Variants in SFMBT1 observed in about 807,000 individuals in gnomAD.
SFMBT1 encodes the protein scm-like with four MBT domains protein 1.
In SFMBT1, 32 loss-of-function variants were observed where a neutral mutation model predicts 108.7. The observed-to-expected ratio is 0.29, with a 90% CI of 0.22 to 0.40. The LOEUF (loss-of-function observed/expected upper bound fraction) is 0.40, where lower values mean the gene tolerates loss of function less well. SFMBT1 is among the 10% of genes least tolerant of loss of function. The pLI, the probability that SFMBT1 is intolerant of heterozygous loss-of-function variation, is 1.00. For synonymous variants in SFMBT1, 348 were observed against 369.5 expected, an observed-to-expected ratio of 0.94 and a Z score of 0.67; for missense variants, 816 against 1,059.6, an observed-to-expected ratio of 0.77 and a Z score of 3.19.
intron 1 of SFMBT1, among the ~76,000 whole-genome samples, chr3:53,034,971 A>G (rs983998508): frequency 1.3e-5 from 2 of 152,196 alleles, no homozygotes; most frequent in Non-Finnish European, 2.9e-5. Flanking sequence ...TGGTAATCAA[A>G]TATACCAAAA....
chr3:52,925,938 G>T (rs1702644179), intron 10 of SFMBT1, 93 bp downstream of exon 10: 1 of 1,154,768 alleles, frequency 8.7e-7, no homozygotes, highest in South Asian at 1.5e-5. Flanking sequence ...TAAGTGAGAT[G>T]ATTATCTTCA....
intron 10 of SFMBT1, among the ~76,000 whole-genome samples, chr3:52,925,634 C>T (rs1348921855): frequency 6.6e-6 from 1 of 152,152 alleles, no homozygotes; most frequent in Non-Finnish European, 1.5e-5. Flanking sequence ...GCTATTTTAC[C>T]TTCTAAGCCT....
At chr3:53,043,844 C>T (rs1700129666) in intron 1 of SFMBT1, among the ~76,000 whole-genome samples, 1 of 152,196 alleles carries the variant, frequency 6.6e-6, no homozygotes, top group African/African-American at 2.4e-5. Flanking sequence ...TACATACAAG[C>T]TATCCTCAGT....
intron 4 of SFMBT1, among the ~76,000 whole-genome samples, chr3:52,941,600 A>AAAC (rs1486071977): frequency 2.9e-5 from 4 of 138,630 alleles, no homozygotes; most frequent in Non-Finnish European, 4.6e-5. Flanking sequence ...TTTCAAAAAA[A>AAAC]AAAAAAAAAA....
intron 1 of SFMBT1, among the ~76,000 whole-genome samples, chr3:53,007,883 G>A (rs1033289131): frequency 6.6e-6 from 1 of 152,076 alleles, no homozygotes; most frequent in African/African-American, 2.4e-5. Context: ...CCAAAGATAC[G>A]CAACCTGAGT....
chr3:52,939,344 C>G (rs1025373633), intron 4 of SFMBT1, among the ~76,000 whole-genome samples: 2 of 152,132 alleles, frequency 1.3e-5, no homozygotes, highest in Non-Finnish European at 2.9e-5. Flanking sequence ...GAAGCTCAGG[C>G]GGGCAGATCA....
chr3:52,916,009 T>C lies in SFMBT1; in HGVS notation c.1480+141A>G, dbSNP rs77875036. The stretch of plus-strand genomic sequence containing the variant: ...TTAAACTAAACACATCTTAGACAGT[T>C]ATAACTCTAAAGTCACAATTAAGAG... On this transcript the variant is annotated intron_variant, in intron 14 of 20. Transcript: ENST00000394752. 6.0e-3 allele frequency: 3,806 copies of C among 629,586 alleles called. 102 individuals carry two copies. Among genetic ancestry groups the C allele is most frequent in the African/African-American group, 0.059 (3,236 of 54,518 alleles). The allele number at this position is 629,586 out of a possible 1,614,324, so 39.0% of individuals were successfully genotyped here.
chr3:52,946,776 CTT>C (rs34235258), intron 3 of SFMBT1, among the ~76,000 whole-genome samples: 1 of 145,282 alleles, frequency 6.9e-6, no homozygotes, highest in African/African-American at 2.5e-5. Context: ...TGCTCCATTC[CTT>C]TTTTTTTTTT....
In SFMBT1 at chr3:52,904,894, A is replaced by C; in HGVS notation, c.*242T>G. On this transcript the variant is annotated 3_prime_UTR_variant, in exon 21 of 21. Coordinates refer to ENST00000394752, the MANE Select transcript of SFMBT1 (RefSeq NM_016329.4). ...TATAAGTCTTTTCCTCACAACCTTT[A>C]TTTTTTAAAAACTGCCATCTGCTGA... 1 of 421,266 alleles carries C rather than the reference A, an allele frequency of 2.4e-6. No individual in the cohort carries two copies. The highest frequency in any genetic ancestry group is 5.4e-5 in the South Asian group (1 of 18,476). 26.1% of individuals were successfully genotyped at this position (421,266 alleles called of 1,614,324 possible). A position where few individuals can be genotyped will look rare whatever the true frequency, so the allele number is the denominator to read the frequency against.
intron 3 of SFMBT1, among the ~76,000 whole-genome samples, chr3:52,947,509 C>T (rs1419755662): frequency 2.0e-5 from 3 of 152,030 alleles, no homozygotes; most frequent in Non-Finnish European, 4.4e-5. Flanking sequence ...AGTTGACAAC[C>T]TTTATATTTA....
At chr3:52,947,805 G>C (rs1703423202) in intron 3 of SFMBT1, among the ~76,000 whole-genome samples, 1 of 151,526 alleles carries the variant, frequency 6.6e-6, no homozygotes, top group African/African-American at 2.4e-5. Flanking sequence ...CGCGATCTCA[G>C]CTCACTGCAA....
At chr3:52,984,726 CTGTGTGTGTGTGTGTGTGTGTGTGTG>C (rs57308874) in intron 1 of SFMBT1, among the ~76,000 whole-genome samples, 2 of 140,196 alleles carry the variant, frequency 1.4e-5, no homozygotes, top group Non-Finnish European at 3.1e-5. Context: ...ATACTAAATA[CTGTGTGTGTGTGTGTGTGTGTGTGTG>C]TGTGTGTGTG....
At chr3:52,963,090 TACAA>T (rs1472267521) in intron 2 of SFMBT1, among the ~76,000 whole-genome samples, 1 of 151,610 alleles carries the variant, frequency 6.6e-6, no homozygotes, top group Non-Finnish European at 1.5e-5. Context: ...ACCTCCTGGG[TACAA>T]GAGGTTCTCT....
At chr3:53,005,076 G>C (rs1366281368) in intron 1 of SFMBT1, among the ~76,000 whole-genome samples, 1 of 152,072 alleles carries the variant, frequency 6.6e-6, no homozygotes, top group African/African-American at 2.4e-5. Context: ...CTTGGGAGCT[G>C]GTCTGAATGT....
At chr3:53,038,176 T>C (rs142797716) in intron 1 of SFMBT1, among the ~76,000 whole-genome samples, 2,510 of 152,320 alleles carry the variant, frequency 0.016, 70 homozygotes, top group African/African-American at 0.057. Context: ...CTCAGGAGGC[T>C]GAGGCAGGAG....
At chr3:52,915,922 G>A (rs1282661082) in intron 14 of SFMBT1, among the ~76,000 whole-genome samples, 1 of 152,316 alleles carries the variant, frequency 6.6e-6, no homozygotes, top group East Asian at 1.9e-4. Flanking sequence ...CACAACGGTT[G>A]ATCAGTAAAG....
intron 2 of SFMBT1, among the ~76,000 whole-genome samples, chr3:52,958,793 T>C (rs1438007254): frequency 3.3e-5 from 5 of 152,118 alleles, no homozygotes; most frequent in Admixed American, 1.3e-4. Flanking sequence ...CCCAAAGGAA[T>C]ATAAATCATT....
At chr3:53,038,334 C>T (rs1047965233) in intron 1 of SFMBT1, among the ~76,000 whole-genome samples, 1 of 152,176 alleles carries the variant, frequency 6.6e-6, no homozygotes, top group Non-Finnish European at 1.5e-5. Context: ...AAAAGCCTTA[C>T]TAACTCTAGG....
intron 1 of SFMBT1, among the ~76,000 whole-genome samples, chr3:53,024,831 T>C (rs993705272): frequency 6.6e-6 from 1 of 152,212 alleles, no homozygotes; most frequent in East Asian, 1.9e-4. Flanking sequence ...ACGAATATTA[T>C]AGAATTATTT....
Sources: allele counts gnomAD v4.1 joint callset (sites outside exome capture counted in the v4.1 genomes callset), GRCh38; gene constraint gnomAD v4.1.1; transcripts MANE v1.5; gene names NCBI Gene and HGNC (gene_info 2026-07-23, HGNC 2026-07-21).